The following CHODL variants were observed in gnomAD, a reference collection of about 807,000 sequenced individuals.
CHODL encodes the protein chondrolectin.
In CHODL, 29 loss-of-function variants were observed where a neutral mutation model predicts 34.5. The observed-to-expected ratio is 0.84, with a 90% CI of 0.63 to 1.15. The LOEUF (loss-of-function observed/expected upper bound fraction) is 1.15, where lower values mean the gene tolerates loss of function less well. Ranked by LOEUF, CHODL falls within the 50% of genes most tolerant of loss-of-function variation. The pLI, the probability that CHODL is intolerant of heterozygous loss-of-function variation, is 0.00. For synonymous variants in CHODL, 125 were observed against 116.1 expected (o/e 1.08, Z -0.49); for missense variants, 332 against 332.5 (o/e 1.00, Z 0.01).
intron 2 of CHODL, among the ~76,000 whole-genome samples, chr21:18,216,776 A>G (rs897666028): frequency 6.6e-6 from 1 of 152,194 alleles, no homozygotes; most frequent in Non-Finnish European, 1.5e-5. Flanking sequence ...ATGAGGTGGC[A>G]GGTGAGAGAA....
intron 2 of CHODL, among the ~76,000 whole-genome samples, chr21:18,050,342 G>A (rs148485996): frequency 1.7e-3 from 252 of 152,016 alleles, no homozygotes; most frequent in African/African-American, 5.3e-3. Context: ...GGTATTATTT[G>A]AATTGCATTA....
rs578052228 is a variant in CHODL at position 17,962,880 on chromosome 21, G to A, written c.-145+45480G>A. ...AGATCGAGACCATCCTGGCTAACAC[G>A]GTGAAAACCTGTCTCTACTAAAAAC... On this transcript the variant is annotated intron_variant, in intron 1 of 6. Coordinates refer to the CHODL transcript ENST00000400127. Among the ~76,000 whole-genome samples, 213 of 151,898 alleles carry A rather than the reference G, an allele frequency of 1.4e-3. 2 individuals carry two copies. Among genetic ancestry groups the A allele is most frequent in the African/African-American group, 4.9e-3 (205 of 41,416 alleles).
At chr21:18,107,317 T>C (rs2065285537) in intron 2 of CHODL, among the ~76,000 whole-genome samples, 1 of 152,198 alleles carries the variant, frequency 6.6e-6, no homozygotes, top group African/African-American at 2.4e-5. Context: ...GGTACACAGA[T>C]AGCAGTCTGG....
chr21:18,264,477 C>T (rs905634503), intron 5 of CHODL, among the ~76,000 whole-genome samples: 5 of 151,662 alleles, frequency 3.3e-5, no homozygotes, highest in African/African-American at 4.8e-5. Context: ...TGGCGGGCGC[C>T]GATAATCCCA....
chr21:18,183,143 C>G lies in CHODL; in HGVS notation c.-44-73366C>G, dbSNP rs532421953. On this transcript the variant is annotated intron_variant, in intron 2 of 6. Transcript: ENST00000400127. Reference sequence around the variant, plus strand: ...AATAGGTGCATTTGGGGATCCCTTTCTCCAAGAACACACTTCACTCTCCCC... The same window carrying G: ...AATAGGTGCATTTGGGGATCCCTTTGTCCAAGAACACACTTCACTCTCCCC... 1.1e-4 allele frequency among the ~76,000 whole-genome samples: 17 copies of G among 152,336 alleles called. No homozygotes were observed. In the East Asian group the frequency reaches 3.3e-3, roughly 29 times the overall value.
chr21:17,994,107 G>A (rs1050349893), intron 1 of CHODL, among the ~76,000 whole-genome samples: 2 of 151,916 alleles, frequency 1.3e-5, no homozygotes, highest in Admixed American at 6.6e-5. Flanking sequence ...TCTCTATTGA[G>A]TTCTGCTCTG....
intron 2 of CHODL, among the ~76,000 whole-genome samples, chr21:18,226,329 C>G (rs1040659805): frequency 1.3e-5 from 2 of 152,134 alleles, no homozygotes; most frequent in African/African-American, 4.8e-5. Flanking sequence ...GAGACAGAGT[C>G]TTGCTTGCTC....
chr21:17,917,906 TA>T (rs1472723316), intron 1 of CHODL, among the ~76,000 whole-genome samples: 6 of 152,116 alleles, frequency 3.9e-5, no homozygotes, highest in Admixed American at 3.9e-4. Flanking sequence ...TGTGTGTGTG[TA>T]GTTCTGCCGT....
intron 1 of CHODL, among the ~76,000 whole-genome samples, chr21:17,919,772 A>C (rs1726745053): frequency 6.6e-6 from 1 of 152,196 alleles, no homozygotes; most frequent in African/African-American, 2.4e-5. Flanking sequence ...CAAATTTTTC[A>C]AACTTTTATG....
intron 5 of CHODL, among the ~76,000 whole-genome samples, chr21:18,264,817 A>G (rs1178348568): frequency 6.6e-6 from 1 of 152,060 alleles, no homozygotes; most frequent in African/African-American, 2.4e-5. Context: ...TTATGTTACC[A>G]AAGCATGAAT....
chr21:18,089,790 C>T (rs928665118), intron 2 of CHODL, among the ~76,000 whole-genome samples: 1 of 152,148 alleles, frequency 6.6e-6, no homozygotes, highest in African/African-American at 2.4e-5. Context: ...CTACAGGAAA[C>T]AGGATATTTC....
intron 2 of CHODL, among the ~76,000 whole-genome samples, chr21:18,029,869 A>C (rs1235507377): frequency 6.6e-6 from 1 of 152,154 alleles, no homozygotes; most frequent in Non-Finnish European, 1.5e-5. Flanking sequence ...TAGTGAGAAC[A>C]ACAGGAAGTG....
At chr21:18,090,776 TA>T (rs1202366701) in intron 2 of CHODL, among the ~76,000 whole-genome samples, 1 of 143,218 alleles carries the variant, frequency 7.0e-6, no homozygotes, top group African/African-American at 2.6e-5. Context: ...ATTAAAGCTA[TA>T]GGGGCACAGC....
At chr21:18,072,512 T>TA (rs1278815064) in intron 2 of CHODL, among the ~76,000 whole-genome samples, 1 of 152,172 alleles carries the variant, frequency 6.6e-6, no homozygotes, top group Non-Finnish European at 1.5e-5. Flanking sequence ...TTAAAATAAG[T>TA]ATTTGAAGTT....
At chr21:18,172,693 A>C (rs1041408126) in intron 2 of CHODL, among the ~76,000 whole-genome samples, 1 of 152,166 alleles carries the variant, frequency 6.6e-6, no homozygotes, top group Non-Finnish European at 1.5e-5. Context: ...AGAAGAGTGG[A>C]TCTTCAGAAG....
At chr21:18,106,948 AAG>A (rs758618040) in intron 2 of CHODL, among the ~76,000 whole-genome samples, 10 of 152,182 alleles carry the variant, frequency 6.6e-5, no homozygotes, top group Non-Finnish European at 1.5e-4. Context: ...TACAGAAGGA[AAG>A]AGTATGCTTG....
chr21:18,004,255 T>G (rs1435341280), intron 1 of CHODL, among the ~76,000 whole-genome samples: 2 of 152,232 alleles, frequency 1.3e-5, no homozygotes, highest in African/African-American at 4.8e-5. Context: ...GATAATGTAA[T>G]AGACAACACT....
intron 2 of CHODL, among the ~76,000 whole-genome samples, chr21:18,125,446 TACA>T (rs772494206): frequency 4.5e-4 from 68 of 152,100 alleles, no homozygotes; most frequent in Non-Finnish European, 7.6e-4. Flanking sequence ...TATAAAATCA[TACA>T]ACAACTAGAA....
intron 2 of CHODL, among the ~76,000 whole-genome samples, chr21:18,129,186 A>G (rs1415146276): frequency 1.3e-5 from 2 of 152,152 alleles, no homozygotes; most frequent in African/African-American, 2.4e-5. Context: ...AAGTTCTACC[A>G]TATAAAACAT....
Sources: gnomAD v4.1 joint callset for allele counts (sites outside exome capture counted in the v4.1 genomes callset) on GRCh38, gnomAD v4.1.1 for gene constraint, MANE v1.5 for transcripts, NCBI Gene and HGNC (gene_info 2026-07-23, HGNC 2026-07-21) for gene names.